The following PTPRD variants were observed in gnomAD, a reference collection of about 807,000 sequenced individuals.
PTPRD encodes the protein receptor-type tyrosine-protein phosphatase delta.
In PTPRD, 34 loss-of-function variants were observed where a neutral mutation model predicts 214.5. That is an observed-to-expected ratio of 0.16 (90% CI 0.12 to 0.21). PTPRD has a LOEUF of 0.21. PTPRD is among the 10% of genes least tolerant of loss of function. The pLI, the probability that PTPRD is intolerant of heterozygous loss-of-function variation, is 1.00. For synonymous variants in PTPRD, 1,128 were observed against 845.7 expected, an observed-to-expected ratio of 1.33 and a Z score of -5.79; for missense variants, 2,545 against 2,398.7, an observed-to-expected ratio of 1.06 and a Z score of -1.27.
At chr9:9,650,940 C>T (rs1027617748) in intron 7 of PTPRD, among the ~76,000 whole-genome samples, 3 of 151,750 alleles carry the variant, frequency 2.0e-5, no homozygotes, top group African/African-American at 4.8e-5. Flanking sequence ...AATAGCAATT[C>T]TAGAGTGTAT....
chr9:9,383,558 T>G (rs1347771888), intron 9 of PTPRD, among the ~76,000 whole-genome samples: 3 of 152,194 alleles, frequency 2.0e-5, no homozygotes, highest in Non-Finnish European at 4.4e-5. Flanking sequence ...TCTTAATGCT[T>G]TAAGCAATAC....
intron 9 of PTPRD, among the ~76,000 whole-genome samples, chr9:9,357,914 C>T (rs1352234984): frequency 6.6e-6 from 1 of 151,160 alleles, no homozygotes; most frequent in Non-Finnish European, 1.5e-5. Context: ...TTCTCTATTT[C>T]CTTTTACATT....
intron 12 of PTPRD, among the ~76,000 whole-genome samples, chr9:8,679,819 G>C (rs1012660496): frequency 2.6e-5 from 4 of 152,170 alleles, no homozygotes; most frequent in African/African-American, 9.7e-5. Flanking sequence ...TCTTTGGATA[G>C]CTTATGACTG....
At chr9:9,720,994 G>A (rs569147752) in intron 7 of PTPRD, among the ~76,000 whole-genome samples, 1 of 152,072 alleles carries the variant, frequency 6.6e-6, no homozygotes, top group African/African-American at 2.4e-5. Flanking sequence ...GGTGTAGGGT[G>A]GGAGGAGCAA....
At chr9:8,454,225 A>G (rs2096084063) in intron 33 of PTPRD, among the ~76,000 whole-genome samples, 1 of 152,190 alleles carries the variant, frequency 6.6e-6, no homozygotes, top group Non-Finnish European at 1.5e-5. Flanking sequence ...TGGTAAAAAC[A>G]AACAAAACAA....
chr9:9,893,359 T>G (rs147462412), intron 5 of PTPRD, among the ~76,000 whole-genome samples: 1 of 152,134 alleles, frequency 6.6e-6, no homozygotes, highest in Non-Finnish European at 1.5e-5. Flanking sequence ...CCAAGAGCCA[T>G]TGGTATGCTG....
chr9:9,959,133 T>A, intron 4 of PTPRD, among the ~76,000 whole-genome samples: 1 of 152,166 alleles, frequency 6.6e-6, no homozygotes, highest in Middle Eastern at 3.2e-3. Flanking sequence ...AAACAAATTG[T>A]AGTATATCTA....
chr9:8,528,166 A>G (rs1372848197), intron 15 of PTPRD: 11 of 369,320 alleles, frequency 3.0e-5, no homozygotes, highest in Non-Finnish European at 9.5e-6. Flanking sequence ...AGGGTTTAAT[A>G]TGAACATTTT....
chr9:8,436,571 A>G lies in PTPRD; in HGVS notation c.4086+21T>C. 1.9e-6 allele frequency: 3 copies of G among 1,558,572 alleles called. 1 individual carries two copies. Among genetic ancestry groups the G allele is most frequent in the South Asian group, 2.3e-5 (2 of 88,432 alleles). ...AGAGTAACTCTTGAAATTACTGTAA[A>G]GAATAAACACAGTGAATTACCTCAT... On this transcript the variant is annotated intron_variant, in intron 35 of 45. Coordinates refer to ENST00000381196, the MANE Select transcript of PTPRD (RefSeq NM_002839.4).
At chr9:10,486,298 G>A (rs1487777444) in intron 2 of PTPRD, among the ~76,000 whole-genome samples, 4 of 152,096 alleles carry the variant, frequency 2.6e-5, no homozygotes, top group East Asian at 1.9e-4. Context: ...TTATTCTAGG[G>A]TTTTTATGGT....
chr9:10,132,182 TA>T (rs1047635379), intron 3 of PTPRD, among the ~76,000 whole-genome samples: 12 of 151,278 alleles, frequency 7.9e-5, no homozygotes, highest in South Asian at 4.2e-4. Context: ...ATTATGAAGT[TA>T]AAAAAAAACT....
intron 11 of PTPRD, among the ~76,000 whole-genome samples, chr9:8,775,799 C>T (rs1006570396): frequency 1.3e-5 from 2 of 148,956 alleles, no homozygotes. Flanking sequence ...GCCTGGACAA[C>T]ATACTGAGGC....
chr9:9,505,321 C>T (rs923224012), intron 8 of PTPRD, among the ~76,000 whole-genome samples: 11 of 151,466 alleles, frequency 7.3e-5, no homozygotes, highest in Non-Finnish European at 1.5e-5. Flanking sequence ...CATTTCATAT[C>T]GTCACGTCAT....
chr9:10,268,324 A>AACG, intron 3 of PTPRD, among the ~76,000 whole-genome samples: 2 of 148,242 alleles, frequency 1.3e-5, no homozygotes, highest in South Asian at 4.3e-4. Context: ...TAATAACGAT[A>AACG]ATAATAATAA....
intron 8 of PTPRD, among the ~76,000 whole-genome samples, chr9:9,450,571 A>G (rs1346651733): frequency 6.6e-6 from 1 of 151,920 alleles, no homozygotes; most frequent in African/African-American, 2.4e-5. Context: ...TATAAGAAAG[A>G]CATATGTAAA....
intron 11 of PTPRD, among the ~76,000 whole-genome samples, chr9:8,948,134 C>G (rs1490245857): frequency 6.6e-6 from 1 of 150,814 alleles, no homozygotes; most frequent in Non-Finnish European, 1.5e-5. Flanking sequence ...ATTCTCCTGC[C>G]TCAGTTTCCC....
intron 5 of PTPRD, among the ~76,000 whole-genome samples, chr9:9,809,340 T>C (rs1173229246): frequency 1.4e-5 from 2 of 147,546 alleles, no homozygotes; most frequent in African/African-American, 2.5e-5. Flanking sequence ...TGATCTCGGC[T>C]CACTGCAAGT....
intron 2 of PTPRD, among the ~76,000 whole-genome samples, chr9:10,458,750 C>G (rs187763909): frequency 2.9e-4 from 44 of 152,158 alleles, no homozygotes; most frequent in African/African-American, 1.0e-3. Context: ...GAAAAATTAT[C>G]TGTATTTGCA....
chr9:9,201,062 C>A (rs1037436258), intron 9 of PTPRD, among the ~76,000 whole-genome samples: 2 of 152,076 alleles, frequency 1.3e-5, no homozygotes, highest in Admixed American at 6.6e-5. Context: ...AGAATAGACA[C>A]CTCTGAATAA....
Sources: gnomAD v4.1 joint callset for allele counts (sites outside exome capture counted in the v4.1 genomes callset) on GRCh38, gnomAD v4.1.1 for gene constraint, MANE v1.5 for transcripts, NCBI Gene and HGNC (gene_info 2026-07-23, HGNC 2026-07-21) for gene names.